Variants in SYTL4 observed in about 807,000 individuals in gnomAD.
The protein encoded by SYTL4 is synaptotagmin like 4, also known as synaptotagmin-like protein 4.
In SYTL4, 16 loss-of-function variants were observed where a neutral mutation model predicts 52.7. The ratio of observed to expected loss-of-function variants is 0.30; its 90% confidence interval spans 0.21 to 0.46. The LOEUF (loss-of-function observed/expected upper bound fraction) is 0.46. Ranked by LOEUF, SYTL4 falls within the 20% of genes least tolerant of loss-of-function variation. The pLI is 1.00. For synonymous variants in SYTL4, 160 were observed against 186.6 expected (o/e 0.86, Z 1.16); for missense variants, 423 against 519.9 (o/e 0.81, Z 1.81).
rs1379849330 is a variant in SYTL4 at position 100,684,972 on chromosome X, C to A, written c.1449+1018G>T. On this transcript the variant is annotated intron_variant, in intron 16 of 19. Transcript: ENST00000372989. Reference sequence around the variant, plus strand: ...TCCGCCTCCCAATGTGCTGGGATTACAGGCGTGAGCCACCATACCTAGCCA... The same window carrying A: ...TCCGCCTCCCAATGTGCTGGGATTAAAGGCGTGAGCCACCATACCTAGCCA... The A allele has an allele frequency of 2.7e-5, 3 of 112,404 alleles. No individual in the cohort carries two copies. The Admixed American group carries it at 2.8e-4, about 11-fold the overall frequency. The allele number at this position is 112,404 out of a possible 1,213,427, so 9.3% of individuals were successfully genotyped here. A position where few individuals can be genotyped will look rare whatever the true frequency, so the allele number is the denominator to read the frequency against.
At chrX:100,723,761 C>T (rs1346043871) in intron 2 of SYTL4, among the ~76,000 whole-genome samples, 7 of 106,769 alleles carry the variant, frequency 6.6e-5, no homozygotes, top group Non-Finnish European at 1.2e-4. Context: ...GGAGCCCCTC[C>T]GCCCGGCAGC....
rs372397958 is a variant in SYTL4 at position 100,715,577 on chromosome X, C to T, written c.-239-10691G>A. 1.2e-4 allele frequency among the ~76,000 whole-genome samples: 13 copies of T among 111,377 alleles called. No homozygotes were observed. The South Asian group carries it at 1.9e-3, about 16-fold the overall frequency. Reference sequence around the variant, plus strand: ...TTCTGATGATTGTAATGCAGTTGCTCTTATGCAAGTAGTACAGCATAATGA... The same window carrying T: ...TTCTGATGATTGTAATGCAGTTGCTTTTATGCAAGTAGTACAGCATAATGA... On this transcript the variant is annotated intron_variant, in intron 2 of 19. Transcript: ENST00000372989.
At chrX:100,689,598 C>G (rs2083546803) in intron 12 of SYTL4, among the ~76,000 whole-genome samples, 1 of 86,535 alleles carries the variant, frequency 1.2e-5, no homozygotes, top group Non-Finnish European at 2.2e-5. Context: ...GAGATCGTGC[C>G]ATTGCACTCC....
chrX:100,692,418 A>G (rs896427107), intron 8 of SYTL4, among the ~76,000 whole-genome samples: 1 of 112,382 alleles, frequency 8.9e-6, no homozygotes, highest in Non-Finnish European at 1.9e-5. Flanking sequence ...TATGCACTCA[A>G]GTATTTTTAT....
At chrX:100,714,178 G>A (rs1432531364) in intron 2 of SYTL4, among the ~76,000 whole-genome samples, 1 of 111,154 alleles carries the variant, frequency 9.0e-6, no homozygotes, top group Non-Finnish European at 1.9e-5. Flanking sequence ...CTTTCTTCTT[G>A]TAATCATGTT....
At chrX:100,696,701 A>G (rs1262481541) in intron 8 of SYTL4, among the ~76,000 whole-genome samples, 10 of 111,908 alleles carry the variant, frequency 8.9e-5, no homozygotes, top group African/African-American at 2.9e-4. Context: ...AACCCAACCC[A>G]TATATGTATA....
chrX:100,683,261 G>A (rs959639907), intron 16 of SYTL4, among the ~76,000 whole-genome samples: 3 of 106,117 alleles, frequency 2.8e-5, no homozygotes, highest in African/African-American at 1.0e-4. Flanking sequence ...ATTCTCCAGC[G>A]TCAGCCTCCC....
chrX:100,725,352 A>G (rs1320994719), intron 2 of SYTL4, among the ~76,000 whole-genome samples: 1 of 112,368 alleles, frequency 8.9e-6, no homozygotes, highest in African/African-American at 3.2e-5. Flanking sequence ...GCGTGAATAG[A>G]TAATTCTTAA....
At chrX:100,715,653 G>A (rs189671214) in intron 2 of SYTL4, among the ~76,000 whole-genome samples, 12 of 110,793 alleles carry the variant, frequency 1.1e-4, no homozygotes, top group Non-Finnish European at 2.1e-4. Flanking sequence ...CTCTAGGCTA[G>A]GTGAGGTGGC....
At chrX:100,729,901 A>G (rs765832057) in intron 2 of SYTL4, among the ~76,000 whole-genome samples, 1 of 110,977 alleles carries the variant, frequency 9.0e-6, no homozygotes, top group African/African-American at 3.3e-5. Context: ...AGGAAGAAAA[A>G]AAGGAACAGT....
At position 100,676,136 on chromosome X, in the gene SYTL4, A is replaced by C. The variant is rs773413485; in HGVS notation, c.1908T>G (p.Thr636=). 1.2e-5 allele frequency: 14 copies of C among 1,208,668 alleles called. No individual in the cohort carries two copies. Among genetic ancestry groups the C allele is most frequent in the Non-Finnish European group, 1.5e-5 (13 of 894,916 alleles). The change falls in exon 20 of 20, where the codon ACT becomes ACG. Residue 636 remains threonine (T), a synonymous_variant. Coordinates refer to ENST00000372989, the MANE Select transcript of SYTL4 (RefSeq NM_001370165.1). ...NGEVVDWMDS[T]GEEVSLWQKM... is the part of the protein sequence containing the mutation. The stretch of plus-strand genomic sequence containing the variant: ...TCTGCCACAGGCTCACTTCTTCCCC[A>C]GTCGAGTCCATCCAGTCCACCACTT...
chrX:100,731,956 G>A (rs2147860915), intron 1 of SYTL4, 48 bp downstream of exon 1: 1 of 111,303 alleles, frequency 9.0e-6, no homozygotes, highest in East Asian at 2.9e-4. Context: ...GGGTCCAGAA[G>A]GAGCACCGGA....
At chrX:100,723,544 C>G (rs1305798077) in intron 2 of SYTL4, among the ~76,000 whole-genome samples, 3 of 112,018 alleles carry the variant, frequency 2.7e-5, no homozygotes, top group Non-Finnish European at 5.6e-5. Flanking sequence ...GCCGCCACCC[C>G]ATCTGGGAAG....
chrX:100,707,906 T>G (rs900443865), intron 2 of SYTL4, among the ~76,000 whole-genome samples: 2 of 111,506 alleles, frequency 1.8e-5, no homozygotes, highest in African/African-American at 3.3e-5. Context: ...AGCATCCTTG[T>G]GGGACCCATG....
At chrX:100,686,820 T>C in intron 14 of SYTL4, 39 bp from the exon 15 acceptor site, 1 of 1,093,799 alleles carries the variant, frequency 9.1e-7, no homozygotes. Flanking sequence ...TTGCTGGCCT[T>C]TCTCAAGCCT....
rs772865166 is a variant in SYTL4, at chrX:100,678,413, C to T, written c.1845G>A (p.Gly615=). ...CACCAGTGCCAACACCCAGCCTGAC[C>T]CCTCCCAGGAAGTCATTGCTGGCCA... The part of the protein sequence containing the change: ...EPLASNDFLG[G]VRLGVGTGIS... The change falls in exon 19 of 20, where the codon GGG becomes GGA. Residue 615 remains glycine, a synonymous_variant. Transcript: ENST00000372989. 14 of 1,210,263 alleles carry T rather than the reference C, an allele frequency of 1.2e-5. No individual in the cohort carries two copies. The highest frequency in any genetic ancestry group is 1.2e-5 in the Non-Finnish European group (11 of 894,485).
At chrX:100,719,383 A>G (rs140072009) in intron 2 of SYTL4, among the ~76,000 whole-genome samples, 1,541 of 111,327 alleles carry the variant, frequency 0.014, 9 homozygotes, top group African/African-American at 0.019. Flanking sequence ...GTTACATTAC[A>G]TTATACTGTC....
intron 13 of SYTL4, 143 bp from the exon 14 acceptor site, chrX:100,687,388 T>C: frequency 2.0e-6 from 1 of 506,973 alleles, no homozygotes; most frequent in Non-Finnish European, 3.3e-6. Flanking sequence ...TGACATTCCT[T>C]GACCCAGAGG....
chrX:100,713,993 A>C (rs1255918014), intron 2 of SYTL4, among the ~76,000 whole-genome samples: 2 of 111,364 alleles, frequency 1.8e-5, no homozygotes, highest in Non-Finnish European at 3.8e-5. Context: ...GAAGGATTAC[A>C]ACATGGCACA....
Sources: allele counts gnomAD v4.1 joint callset (sites outside exome capture counted in the v4.1 genomes callset), GRCh38; gene constraint gnomAD v4.1.1; transcripts MANE v1.5; gene names NCBI Gene and HGNC (gene_info 2026-07-23, HGNC 2026-07-21).